The following DAB1 variants were observed in gnomAD, a reference collection of about 807,000 sequenced individuals.
DAB1 encodes the protein disabled homolog 1.
A neutral mutation model predicts 64.6 loss-of-function variants in DAB1; 15 were observed. The ratio of observed to expected loss-of-function variants is 0.23; its 90% CI spans 0.16 to 0.36. DAB1 has a LOEUF of 0.36. Among genes scored for constraint, DAB1 ranks in the 10% least tolerant of loss-of-function variants. The pLI, the probability that DAB1 is intolerant of heterozygous loss-of-function variation, is 1.00. For missense variants in DAB1, 596 were observed against 706.7 expected (o/e 0.84, Z 1.78); for synonymous variants, 235 against 251.9 (o/e 0.93, Z 0.64).
At chr1:57,881,082 G>C (rs1353712977) in intron 1 of DAB1, among the ~76,000 whole-genome samples, 1 of 152,172 alleles carries the variant, frequency 6.6e-6, no homozygotes, top group Non-Finnish European at 1.5e-5. Context: ...TCTGTAAAAT[G>C]GCAGTAATGC....
chr1:58,414,347 T>C (rs1644697387), intron 3 of DAB1, among the ~76,000 whole-genome samples: 2 of 152,200 alleles, frequency 1.3e-5, no homozygotes, highest in Admixed American at 6.5e-5. Context: ...CCAAAACTGA[T>C]GTTAGTTACC....
chr1:58,281,412 T>A (rs1216363411), intron 4 of DAB1, among the ~76,000 whole-genome samples: 2 of 151,984 alleles, frequency 1.3e-5, no homozygotes, highest in Non-Finnish European at 2.9e-5. Flanking sequence ...TCTACCTCCT[T>A]AATACCTCCG....
intron 6 of DAB1, among the ~76,000 whole-genome samples, chr1:57,795,688 G>GAGAT (rs1557485314): frequency 9.3e-5 from 4 of 42,974 alleles, no homozygotes; most frequent in East Asian, 9.5e-4. Context: ...ATTATGCTTG[G>GAGAT]AGATATATAT....
chr1:57,950,298 C>T (rs1010748243), intron 5 of DAB1, among the ~76,000 whole-genome samples: 2 of 152,144 alleles, frequency 1.3e-5, no homozygotes, highest in South Asian at 2.1e-4. Flanking sequence ...TATCAAAGAA[C>T]ATAAAACAGT....
chr1:57,996,713 T>A (rs1326058064), intron 5 of DAB1, among the ~76,000 whole-genome samples: 1 of 152,218 alleles, frequency 6.6e-6, no homozygotes, highest in Non-Finnish European at 1.5e-5. Flanking sequence ...CAGACAATCA[T>A]GTAACTCACT....
chr1:58,247,815 T>G (rs1304230615), intron 4 of DAB1, among the ~76,000 whole-genome samples: 2 of 130,240 alleles, frequency 1.5e-5, no homozygotes, highest in Non-Finnish European at 3.2e-5. Flanking sequence ...CCCACCGAGT[T>G]CTCTGTCTCT....
At chr1:57,490,044 A>G (rs150711520) in intron 7 of DAB1, among the ~76,000 whole-genome samples, 2 of 152,286 alleles carry the variant, frequency 1.3e-5, no homozygotes, top group African/African-American at 4.8e-5. Context: ...CGCTTCCACC[A>G]TGTGAGAACA....
upstream of DAB1, among the ~76,000 whole-genome samples, chr1:57,428,918 CT>C (rs61125096): frequency 0.15 from 20,592 of 135,048 alleles, 1,345 homozygotes; most frequent in African/African-American, 0.18. Context: ...TTGTTGTTTG[CT>C]TTTTTTTTTT....
intron 5 of DAB1, among the ~76,000 whole-genome samples, chr1:57,928,407 C>G (rs1331855030): frequency 6.6e-6 from 1 of 152,144 alleles, no homozygotes; most frequent in Non-Finnish European, 1.5e-5. Context: ...ATATCTCCCA[C>G]CAGAGAAGTA....
At chr1:57,553,418 GAA>G (rs1306662703) in intron 7 of DAB1, among the ~76,000 whole-genome samples, 1 of 12,748 alleles carries the variant, frequency 7.8e-5, no homozygotes, top group Admixed American at 9.0e-4. Context: ...AAGAAAGAAA[GAA>G]AGAAAGAAAG....
At chr1:58,177,559 T>G (rs748614988) in intron 4 of DAB1, among the ~76,000 whole-genome samples, 1 of 151,424 alleles carries the variant, frequency 6.6e-6, no homozygotes, top group African/African-American at 2.4e-5. Flanking sequence ...TAGGAGAGAG[T>G]TGAGGGACTA....
chr1:57,512,702 T>C (rs1371196054), intron 7 of DAB1, among the ~76,000 whole-genome samples: 2 of 152,146 alleles, frequency 1.3e-5, no homozygotes. Flanking sequence ...GCTCAAGTTG[T>C]TCTTCATTTG....
chr1:57,976,056 C>A (rs1408505561), intron 5 of DAB1, among the ~76,000 whole-genome samples: 1 of 152,208 alleles, frequency 6.6e-6, no homozygotes, highest in Non-Finnish European at 1.5e-5. Context: ...TTCTTGGCAA[C>A]GCCAAGTCTT....
chr1:58,488,514 C>T (rs547890233), intron 3 of DAB1, among the ~76,000 whole-genome samples: 89 of 152,256 alleles, frequency 5.8e-4, no homozygotes, highest in Non-Finnish European at 9.6e-4. Flanking sequence ...TGCAATGGCG[C>T]GATCTCAGAT....
chr1:57,262,668 G>A (rs1015786700), intron 2 of DAB1, among the ~76,000 whole-genome samples: 16 of 152,206 alleles, frequency 1.1e-4, no homozygotes, highest in Non-Finnish European at 1.8e-4. Context: ...CATCCAGACT[G>A]ATCACTGGTG....
chr1:57,245,381 A>G (rs1306184979), intron 2 of DAB1, among the ~76,000 whole-genome samples: 1 of 152,136 alleles, frequency 6.6e-6, no homozygotes, highest in Admixed American at 6.5e-5. Context: ...TGCTGCACCC[A>G]TCAACTCGTC....
At chr1:57,577,569 C>G (rs533882791) in intron 7 of DAB1, among the ~76,000 whole-genome samples, 1 of 152,160 alleles carries the variant, frequency 6.6e-6, no homozygotes, top group Non-Finnish European at 1.5e-5. Context: ...CATAAAGAAA[C>G]AGGCTCAGAG....
intron 3 of DAB1, among the ~76,000 whole-genome samples, chr1:58,359,919 A>T (rs944233673): frequency 6.6e-6 from 1 of 152,170 alleles, no homozygotes; most frequent in Admixed American, 6.5e-5. Context: ...GATTTTAGGC[A>T]AGGTGATTCA....
At chr1:58,196,588 G>C (rs373374451) in intron 4 of DAB1, among the ~76,000 whole-genome samples, 1 of 152,118 alleles carries the variant, frequency 6.6e-6, no homozygotes, top group African/African-American at 2.4e-5. Context: ...AGACTTAATC[G>C]ACTCACAGTC....
Sources: gnomAD v4.1 joint callset for allele counts (sites outside exome capture counted in the v4.1 genomes callset) on GRCh38, gnomAD v4.1.1 for gene constraint, MANE v1.5 for transcripts, NCBI Gene and HGNC (gene_info 2026-07-23, HGNC 2026-07-21) for gene names.